MAPKAPK2: variants seen among roughly 807,000 people sequenced by gnomAD.
MAPKAPK2 encodes the protein MAPK activated protein kinase 2, also known as MAP kinase-activated protein kinase 2.
Under a neutral mutation model 48.8 loss-of-function variants are expected in MAPKAPK2, and 9 were observed. The ratio of observed to expected loss-of-function variants is 0.18; its 90% CI spans 0.11 to 0.32. The LOEUF (loss-of-function observed/expected upper bound fraction) is 0.32. MAPKAPK2 is among the 10% of genes least tolerant of loss of function. MAPKAPK2 has a pLI of 1.00. For synonymous variants in MAPKAPK2, 202 were observed against 190.6 expected (o/e 1.06, Z -0.49); for missense variants, 331 against 498.3 (o/e 0.66, Z 3.20).
Position 206,731,270 on chromosome 1 carries a change from C to T in MAPKAPK2, c.892+8C>T. 1 of 1,614,110 alleles carries T rather than the reference C, an allele frequency of 6.2e-7. No homozygotes were observed. Among genetic ancestry groups the T allele is most frequent in the Non-Finnish European group, 8.5e-7 (1 of 1,180,014 alleles). On this transcript the variant is annotated splice_region_variant and intron_variant, in intron 7 of 9. Transcript: ENST00000367103. The surrounding 1 kb of genome is among the most constrained non-coding windows in gnomAD (Gnocchi z 5.9). ...CAGAAGTATCAGAGGAAGGTAAGAA[C>T]CCAGGCTTTCAGGACAAGGGGAAGA...
intron 1 of MAPKAPK2, among the ~76,000 whole-genome samples, chr1:206,702,517 A>G (rs1258876287): frequency 6.6e-6 from 1 of 152,244 alleles, no homozygotes; most frequent in Non-Finnish European, 1.5e-5. Context: ...GGTGAGGGCC[A>G]TGTGTGTGTC....
intron 1 of MAPKAPK2, among the ~76,000 whole-genome samples, chr1:206,691,710 G>C (rs1167506684): frequency 2.0e-5 from 3 of 152,084 alleles, no homozygotes; most frequent in African/African-American, 7.2e-5. Flanking sequence ...CCTGAGCACC[G>C]GCAGGGTGAG....
At position 206,685,395 on chromosome 1, in the gene MAPKAPK2, A is replaced by G; in HGVS notation, c.166A>G (p.Lys56Glu). 1 of 1,534,566 alleles carries G rather than the reference A, an allele frequency of 6.5e-7. No homozygotes were observed. The highest frequency in any genetic ancestry group is 8.8e-7 in the Non-Finnish European group (1 of 1,135,230). The change falls in exon 1 of 10, where the codon AAG (lysine) becomes GAG (glutamate). Residue 56 changes from lysine to glutamate, a missense_variant. Lys to Glu is a moderately conservative substitution (Grantham distance 56). Coordinates refer to ENST00000367103, the MANE Select transcript of MAPKAPK2 (RefSeq NM_032960.4). ...CGTCAAGTCCGGCCTGCAGATCAAG[A>G]AGAACGCCATCATCGATGACTACAA... ...FHVKSGLQIK[K>E]NAIIDDYKVT...
chr1:206,708,980 C>T lies in MAPKAPK2; in HGVS notation c.280-19730C>T, dbSNP rs1477515902. 3.3e-5 allele frequency among the ~76,000 whole-genome samples: 5 copies of T among 152,316 alleles called. No individual in the cohort carries two copies. In the East Asian group the frequency reaches 7.7e-4, roughly 23 times the overall value. On this transcript the variant is annotated intron_variant, in intron 1 of 9. Coordinates refer to ENST00000367103, the MANE Select transcript of MAPKAPK2 (RefSeq NM_032960.4). Reference sequence around the variant, plus strand: ...TATAGATATGATAAAATTTGCTTCTCCATTCCCCTGTTGATGGACATTTGG... The same window carrying T: ...TATAGATATGATAAAATTTGCTTCTTCATTCCCCTGTTGATGGACATTTGG...
chr1:206,696,746 G>A (rs1553427120), intron 1 of MAPKAPK2, among the ~76,000 whole-genome samples: 1 of 152,152 alleles, frequency 6.6e-6, no homozygotes, highest in African/African-American at 2.4e-5. Context: ...TGCATTATAT[G>A]CATTATACTT....
intron 1 of MAPKAPK2, among the ~76,000 whole-genome samples, chr1:206,726,511 G>A (rs900102288): frequency 6.6e-6 from 1 of 152,220 alleles, no homozygotes; most frequent in Admixed American, 6.5e-5. Flanking sequence ...TATTGGCTCC[G>A]GCCACCTGTT....
intron 1 of MAPKAPK2, among the ~76,000 whole-genome samples, chr1:206,691,558 G>T (rs892837590): frequency 3.4e-5 from 5 of 145,832 alleles, no homozygotes; most frequent in African/African-American, 5.1e-5. Context: ...CATGGGTTAT[G>T]TGCTAGATAA....
rs558639021 is a variant in MAPKAPK2, at chr1:206,704,378, T to C, written c.279+18870T>C. The stretch of plus-strand genomic sequence containing the variant: ...CTTGGCAGGCATCCTGCTTTTCCTT[T>C]CAGGTTGCTGGAATTAGTGGTGGTG... On this transcript the variant is annotated intron_variant, in intron 1 of 9. Transcript: ENST00000367103. The surrounding 1 kb of genome is among the most constrained non-coding windows in gnomAD (Gnocchi z 4.3). Among the ~76,000 whole-genome samples the C allele has an allele frequency of 3.9e-5, 6 of 152,230 alleles. No individual in the cohort carries two copies. The highest frequency in any genetic ancestry group is 7.3e-5 in the Non-Finnish European group (5 of 68,032).
chr1:206,732,622 G>C lies in MAPKAPK2; in HGVS notation c.1107G>C (p.Gln369His). The change falls in exon 10 of 10, where the codon CAG (glutamine) becomes CAC (histidine). Residue 369 changes from glutamine (Q) to histidine (H), a missense_variant. By Grantham distance (24) the Gln-to-His change is conservative. Around this residue, in one of 4 missense-constraint regions of MAPKAPK2, gnomAD observed 124 missense variants for 194.6 expected, o/e 0.64. Transcript: ENST00000367103. The surrounding 1 kb of genome is among the most constrained non-coding windows in gnomAD (Gnocchi z 4.4). Reference sequence around the variant, plus strand: ...CCACAATGCGCGTTGACTACGAGCAGATCAAGATAAAAAAGATTGAAGATG... The same window carrying C: ...CCACAATGCGCGTTGACTACGAGCACATCAAGATAAAAAAGATTGAAGATG... ...ALATMRVDYE[Q>H]IKIKKIEDAS... 6.2e-7 allele frequency: 1 copy of C among 1,614,160 alleles called. No homozygotes were observed. The highest frequency in any genetic ancestry group is 8.5e-7 in the Non-Finnish European group (1 of 1,180,024).
chr1:206,731,903 G>T lies in MAPKAPK2; in HGVS notation c.1043G>T (p.Arg348Leu), dbSNP rs782749899. The change falls in exon 9 of 10, where the codon CGG becomes CTG. Residue 348 changes from arginine (R) to leucine (L), a missense_variant. Transcript: ENST00000367103. This position sits in a 1 kb window ranked among gnomAD's most constrained non-coding sequence, Gnocchi z 5.9. Reference sequence around the variant, plus strand: ...CGGGTCCTGAAGGAGGACAAGGAGCGGTGGGAGGATGTCAAGGTGAGGGGC... The same window carrying T: ...CGGGTCCTGAAGGAGGACAAGGAGCTGTGGGAGGATGTCAAGGTGAGGGGC... ...TSRVLKEDKE[R>L]WEDVKEEMTS... 1.9e-6 allele frequency: 3 copies of T among 1,614,188 alleles called. No individual in the cohort carries two copies. The highest frequency in any genetic ancestry group is 2.5e-6 in the Non-Finnish European group (3 of 1,180,032).
intron 1 of MAPKAPK2, among the ~76,000 whole-genome samples, chr1:206,721,926 A>C (rs2102407195): frequency 6.6e-6 from 1 of 152,288 alleles, no homozygotes; most frequent in African/African-American, 2.4e-5. Context: ...TTAGCCGGGC[A>C]TGGTGGCACA....
intron 1 of MAPKAPK2, among the ~76,000 whole-genome samples, chr1:206,720,448 T>C (rs147257568): frequency 2.2e-4 from 33 of 152,280 alleles, no homozygotes; most frequent in Non-Finnish European, 4.1e-4. Context: ...GCTTCCTGGG[T>C]TCAAGTGATT....
At chr1:206,687,518 T>G (rs1324468558) in intron 1 of MAPKAPK2, among the ~76,000 whole-genome samples, 2 of 152,222 alleles carry the variant, frequency 1.3e-5, no homozygotes, top group Non-Finnish European at 2.9e-5. Flanking sequence ...CACACACGTC[T>G]TTGTGTTAAA....
rs116116859 is a variant in MAPKAPK2 at position 206,690,941 on chromosome 1, C to T, written c.279+5433C>T. The stretch of plus-strand genomic sequence containing the variant: ...TGTGAGGTCTCTTTTCCCCCTCTTC[C>T]CTGCACTGTATCTTTCCAGATGGTT... On this transcript the variant is annotated intron_variant, in intron 1 of 9. Transcript: ENST00000367103. Among the ~76,000 whole-genome samples, 983 of 152,352 alleles carry T rather than the reference C, an allele frequency of 6.5e-3. 7 individuals are homozygous for T. Among genetic ancestry groups the T allele is most frequent in the African/African-American group, 0.023 (962 of 41,578 alleles).
chr1:206,718,532 CAAAAAAAAA>C (rs60964142), intron 1 of MAPKAPK2, among the ~76,000 whole-genome samples: 4 of 114,656 alleles, frequency 3.5e-5, no homozygotes, highest in Admixed American at 8.9e-5. Context: ...GACTCCATCT[CAAAAAAAAA>C]AAAAAAAAAA....
intron 1 of MAPKAPK2, among the ~76,000 whole-genome samples, chr1:206,694,080 A>T (rs1323722625): frequency 6.6e-6 from 1 of 152,232 alleles, no homozygotes; most frequent in Non-Finnish European, 1.5e-5. Flanking sequence ...ATATTTGCTT[A>T]GCTGATAGAT....
At position 206,730,115 on chromosome 1, in the gene MAPKAPK2, C is replaced by A. The variant is rs781965378; in HGVS notation, c.691+17C>A. 3.7e-6 allele frequency: 6 copies of A among 1,613,948 alleles called. No individual in the cohort carries two copies. Among genetic ancestry groups the A allele is most frequent in the African/African-American group, 1.3e-5 (1 of 75,028 alleles). On this transcript the variant is annotated intron_variant, in intron 5 of 9. Coordinates refer to ENST00000367103, the MANE Select transcript of MAPKAPK2 (RefSeq NM_032960.4). ...ACTATGTGGGTAAGTCCACAGGGGG[C>A]CCAGGGACCTAGGCTTTTCCCAGAA... is the stretch of plus-strand genomic sequence containing the variant.
At chr1:206,717,992 C>T (rs570206159) in intron 1 of MAPKAPK2, among the ~76,000 whole-genome samples, 22 of 152,068 alleles carry the variant, frequency 1.4e-4, no homozygotes, top group African/African-American at 4.6e-4. Context: ...TTCATATATC[C>T]TCTCCCCTCT....
intron 1 of MAPKAPK2, among the ~76,000 whole-genome samples, chr1:206,700,741 A>G (rs770948256): frequency 6.6e-5 from 10 of 152,250 alleles, no homozygotes; most frequent in Non-Finnish European, 1.2e-4. Flanking sequence ...TTGAGATTCA[A>G]TTTCTCTCCC....
Sources: gnomAD v4.1 joint callset for allele counts (sites outside exome capture counted in the v4.1 genomes callset) on GRCh38, gnomAD v4.1.1 for gene constraint, gnomAD v4.1.1 regional missense constraint, Gnocchi (gnomAD v3.1) non-coding constraint, MANE v1.5 for transcripts, NCBI Gene and HGNC (gene_info 2026-07-23, HGNC 2026-07-21) for gene names.